PPP4R3A: variants seen among roughly 807,000 people sequenced by gnomAD.
The protein encoded by PPP4R3A is serine/threonine-protein phosphatase 4 regulatory subunit 3A.
Under a neutral mutation model 91.7 loss-of-function variants are expected in PPP4R3A, and 15 were observed. That is an observed-to-expected ratio of 0.16 (90% CI 0.11 to 0.25). The LOEUF is 0.25. PPP4R3A is among the 10% of genes least tolerant of loss of function. PPP4R3A has a pLI of 1.00. For missense variants in PPP4R3A, 623 were observed against 998.4 expected, an observed-to-expected ratio of 0.62 and a Z score of 5.07; for synonymous variants, 377 against 348.7, an observed-to-expected ratio of 1.08 and a Z score of -0.91.
intron 1 of PPP4R3A, among the ~76,000 whole-genome samples, chr14:91,508,357 T>C (rs1203013764): frequency 6.6e-6 from 1 of 152,230 alleles, no homozygotes; most frequent in Non-Finnish European, 1.5e-5. Flanking sequence ...TGTTGGTTTT[T>C]CATGGAATTG....
intron 11 of PPP4R3A, among the ~76,000 whole-genome samples, chr14:91,463,935 G>T (rs908631168): frequency 1.3e-5 from 2 of 152,004 alleles, no homozygotes; most frequent in African/African-American, 4.8e-5. Context: ...AGTGGCTCTG[G>T]TATCTGTTGT....
At chr14:91,465,554 C>A (rs74084670) in intron 10 of PPP4R3A, 135 bp from the exon 11 acceptor site, 89 of 682,948 alleles carry the variant, frequency 1.3e-4, no homozygotes, top group African/African-American at 1.1e-3. Flanking sequence ...TTTGCACTTC[C>A]GGAACTGTGA....
At chr14:91,462,013 C>A in intron 13 of PPP4R3A, 36 bp downstream of exon 13, 1 of 1,458,402 alleles carries the variant, frequency 6.9e-7, no homozygotes, top group Non-Finnish European at 9.0e-7. Context: ...AGTAAGAAAG[C>A]CTTAATTTTC....
At chr14:91,506,589 C>T (rs1328305755) in intron 1 of PPP4R3A, among the ~76,000 whole-genome samples, 2 of 152,002 alleles carry the variant, frequency 1.3e-5, no homozygotes, top group African/African-American at 2.4e-5. Flanking sequence ...ACAGGGTCTC[C>T]CTCTGTCACC....
chr14:91,498,572 A>G (rs1316267592), intron 1 of PPP4R3A, among the ~76,000 whole-genome samples: 2 of 151,662 alleles, frequency 1.3e-5, no homozygotes, highest in African/African-American at 4.9e-5. Flanking sequence ...GCACGCGCCA[A>G]TGACCCCAGG....
chr14:91,462,306 T>C, intron 12 of PPP4R3A, 67 bp from the exon 13 acceptor site: 1 of 1,376,470 alleles, frequency 7.3e-7, no homozygotes, highest in South Asian at 2.0e-5. Context: ...ACAGATGACT[T>C]ATTAAACTTG....
chr14:91,504,770 T>C (rs902412286), intron 1 of PPP4R3A, among the ~76,000 whole-genome samples: 4 of 152,168 alleles, frequency 2.6e-5, no homozygotes, highest in Non-Finnish European at 5.9e-5. Flanking sequence ...TTACTCGGTT[T>C]TGGAAGGGAA....
intron 1 of PPP4R3A, among the ~76,000 whole-genome samples, chr14:91,505,818 C>T (rs899467132): frequency 6.6e-6 from 1 of 152,050 alleles, no homozygotes; most frequent in African/African-American, 2.4e-5. Context: ...CCATTTTGCT[C>T]ATGACAACAA....
chr14:91,495,732 T>C (rs1044252823), intron 1 of PPP4R3A, among the ~76,000 whole-genome samples: 1 of 151,778 alleles, frequency 6.6e-6, no homozygotes, highest in Non-Finnish European at 1.5e-5. Context: ...GCCTAGGCAA[T>C]ATAGTGAGAC....
chr14:91,471,573 C>T (rs1432170280), intron 9 of PPP4R3A, among the ~76,000 whole-genome samples: 2 of 152,104 alleles, frequency 1.3e-5, no homozygotes, highest in Admixed American at 1.3e-4. Context: ...CAGTCCTTCA[C>T]AAAATCACAA....
At chr14:91,503,701 T>C (rs1294748505) in intron 1 of PPP4R3A, among the ~76,000 whole-genome samples, 2 of 151,942 alleles carry the variant, frequency 1.3e-5, no homozygotes, top group Non-Finnish European at 2.9e-5. Context: ...CCTGCACACG[T>C]ACCCGGGAAT....
Position 91,458,380 on chromosome 14 carries a change from C to A in PPP4R3A, c.*379G>T. 3.8e-6 allele frequency: 1 copy of A among 262,584 alleles called. No homozygotes were observed. Among genetic ancestry groups the A allele is most frequent in the South Asian group, 4.4e-5 (1 of 22,532 alleles). 16.3% of individuals were successfully genotyped at this position (262,584 alleles called of 1,614,324 possible). On this transcript the variant is annotated 3_prime_UTR_variant, in exon 15 of 15. Coordinates refer to ENST00000554943, the MANE Select transcript of PPP4R3A (RefSeq NM_001366432.2). ...ATTCTTGACTAGTGAAGAATTATGG[C>A]AGAAAGGCCCATTCTTCTGAGTCTC...
At chr14:91,465,658 A>C (rs973874382) in intron 10 of PPP4R3A, among the ~76,000 whole-genome samples, 3 of 152,236 alleles carry the variant, frequency 2.0e-5, no homozygotes, top group African/African-American at 7.2e-5. Flanking sequence ...AAAGCCAGAA[A>C]AATCCTGAAA....
chr14:91,506,002 T>C (rs1891270808), intron 1 of PPP4R3A, among the ~76,000 whole-genome samples: 2 of 151,962 alleles, frequency 1.3e-5, no homozygotes, highest in South Asian at 2.1e-4. Flanking sequence ...TGGAGTGCAG[T>C]GGTGCTGATC....
intron 1 of PPP4R3A, among the ~76,000 whole-genome samples, chr14:91,497,500 C>CA (rs1167915866): frequency 6.6e-6 from 1 of 152,076 alleles, no homozygotes; most frequent in Non-Finnish European, 1.5e-5. Context: ...AAAGGAAACA[C>CA]AGAGAAAAAT....
intron 4 of PPP4R3A, among the ~76,000 whole-genome samples, chr14:91,477,666 T>C (rs373115196): frequency 6.6e-6 from 1 of 152,218 alleles, no homozygotes; most frequent in South Asian, 2.1e-4. Context: ...GTTTTGCTTT[T>C]TGAGACAGAG....
chr14:91,504,795 ACCATGACAGATCTG>A (rs1315411676), intron 1 of PPP4R3A, among the ~76,000 whole-genome samples: 1 of 152,146 alleles, frequency 6.6e-6, no homozygotes, highest in Non-Finnish European at 1.5e-5. Flanking sequence ...TACAGTACTT[ACCATGACAGATCTG>A]CTCTGTAACA....
intron 1 of PPP4R3A, among the ~76,000 whole-genome samples, chr14:91,505,297 A>T (rs1366420082): frequency 1.3e-5 from 2 of 152,152 alleles, no homozygotes; most frequent in Non-Finnish European, 2.9e-5. Flanking sequence ...TACTAAAAAC[A>T]CAAAAATTAG....
At chr14:91,473,503 C>G in intron 7 of PPP4R3A, 133 bp from the exon 8 acceptor site, 1 of 919,594 alleles carries the variant, frequency 1.1e-6, no homozygotes, top group Non-Finnish European at 1.6e-6. Flanking sequence ...ATGTTTAACT[C>G]AGTTATCTGA....
Sources: allele counts gnomAD v4.1 joint callset (sites outside exome capture counted in the v4.1 genomes callset), GRCh38; gene constraint gnomAD v4.1.1; transcripts MANE v1.5; gene names NCBI Gene and HGNC (gene_info 2026-07-23, HGNC 2026-07-21).